The following INTS6 variants were observed in gnomAD, a reference collection of about 807,000 sequenced individuals.
INTS6 encodes the protein DEAD box protein.
INTS6 carries 16 observed loss-of-function variants against 104.9 expected under a neutral mutation model. The ratio of observed to expected loss-of-function variants is 0.15; its 90% CI spans 0.10 to 0.23. The LOEUF (loss-of-function observed/expected upper bound fraction) is 0.23. Among genes scored for constraint, INTS6 ranks in the 10% least tolerant of loss-of-function variants. The pLI is 1.00. For missense variants in INTS6, 584 were observed against 1,062.8 expected (o/e 0.55, Z 6.26); for synonymous variants, 324 against 358.7 (o/e 0.90, Z 1.09).
intron 17 of INTS6, among the ~76,000 whole-genome samples, chr13:51,366,316 A>G (rs1955687568): frequency 6.6e-6 from 1 of 152,004 alleles, no homozygotes; most frequent in Admixed American, 6.6e-5. Context: ...GGTCAGCAGC[A>G]TTTAAAAACC....
At chr13:51,390,557 T>TA (rs1246060852) in intron 5 of INTS6, among the ~76,000 whole-genome samples, 1 of 152,022 alleles carries the variant, frequency 6.6e-6, no homozygotes, top group Non-Finnish European at 1.5e-5. Flanking sequence ...TTATTTGTAA[T>TA]AAGCTCAATA....
At position 51,362,783 on chromosome 13, in the gene INTS6, A is replaced by G. The variant is rs1223801780; in HGVS notation, c.*2969T>C. 6.6e-6 allele frequency: 1 copy of G among 152,462 alleles called. No homozygotes were observed. Among genetic ancestry groups the G allele is most frequent in the Non-Finnish European group, 1.5e-5 (1 of 67,922 alleles). The allele number at this position is 152,462 out of a possible 1,614,324, so 9.4% of individuals were successfully genotyped here. A position where few individuals can be genotyped will look rare whatever the true frequency, so the allele number is the denominator to read the frequency against. On this transcript the variant is annotated 3_prime_UTR_variant, in exon 18 of 18. Coordinates refer to ENST00000311234, the MANE Select transcript of INTS6 (RefSeq NM_012141.3). ...AATACTGTCAACATCATTTTATCTG[A>G]GAATCATTTGCATCCTGCTGTACCT...
chr13:51,346,466 GAATA>G, the INTS6 span, among the ~76,000 whole-genome samples: 2 of 152,158 alleles, frequency 1.3e-5, no homozygotes, highest in South Asian at 4.1e-4. Flanking sequence ...GTTCAGAAAA[GAATA>G]AAAAGCAGGG....
chr13:51,397,409 G>A (rs1566223762), intron 4 of INTS6, among the ~76,000 whole-genome samples: 1 of 152,184 alleles, frequency 6.6e-6, no homozygotes. Flanking sequence ...GAAGTCATGA[G>A]TTCTTTCTCT....
At chr13:51,342,627 C>T in the INTS6 span, among the ~76,000 whole-genome samples, 1 of 152,118 alleles carries the variant, frequency 6.6e-6, no homozygotes, top group African/African-American at 2.4e-5. Flanking sequence ...ACTTACTCTA[C>T]TATTTTAATG....
downstream of INTS6, among the ~76,000 whole-genome samples, chr13:51,359,738 G>T (rs529095233): frequency 6.6e-6 from 1 of 151,940 alleles, no homozygotes; most frequent in Non-Finnish European, 1.5e-5. Flanking sequence ...ATGAAGTCTC[G>T]GAGATTAGTA....
chr13:51,341,645 G>A, the INTS6 span, among the ~76,000 whole-genome samples: 5 of 152,174 alleles, frequency 3.3e-5, no homozygotes, highest in Admixed American at 2.0e-4. Context: ...AACCTAATAG[G>A]TTTCATGGCA....
chr13:51,451,816 C>T (rs1730630672), intron 2 of INTS6, among the ~76,000 whole-genome samples, 162 bp downstream of exon 2: 1 of 116,962 alleles, frequency 8.5e-6, no homozygotes. Context: ...CGCTGCCGAG[C>T]GGGGGAGGGG....
At chr13:51,351,617 CA>C (rs1435148012), downstream of INTS6, among the ~76,000 whole-genome samples, 1 of 152,050 alleles carries the variant, frequency 6.6e-6, no homozygotes, top group Non-Finnish European at 1.5e-5. Context: ...CTTTGAAGCA[CA>C]AAAGTTGTTA....
chr13:51,341,413 A>C, the INTS6 span: 48 of 1,426,368 alleles, frequency 3.4e-5, no homozygotes, highest in Non-Finnish European at 4.1e-5. Flanking sequence ...TCTCCAGCTC[A>C]CCCTCCTGCT....
At chr13:51,354,988 T>C in intron 3 of INTS6, 3 of 874,762 alleles carry the variant, frequency 3.4e-6, no homozygotes, top group South Asian at 3.0e-5. Context: ...GTGGTGTGTA[T>C]GAAAGTATAT....
At chr13:51,440,542 C>T (rs1016115473) in intron 3 of INTS6, 3 of 152,152 alleles carry the variant, frequency 2.0e-5, no homozygotes, top group Non-Finnish European at 4.4e-5. Context: ...ACTCACCCAC[C>T]CAGAGCAACT....
chr13:51,350,913 G>A (rs1305979090), downstream of INTS6, among the ~76,000 whole-genome samples: 1 of 152,052 alleles, frequency 6.6e-6, no homozygotes, highest in African/African-American at 2.4e-5. Flanking sequence ...ACAATATGTG[G>A]CCTTTTGTGT....
intron 3 of INTS6, among the ~76,000 whole-genome samples, chr13:51,432,698 T>C (rs1328126291): frequency 6.6e-6 from 1 of 152,182 alleles, no homozygotes; most frequent in East Asian, 1.9e-4. Context: ...TTTACCTCAA[T>C]ATAAATGTGT....
chr13:51,375,038 C>T (rs2137887507), intron 13 of INTS6, among the ~76,000 whole-genome samples: 1 of 152,082 alleles, frequency 6.6e-6, no homozygotes, highest in East Asian at 1.9e-4. Context: ...CATACATTGC[C>T]ATTAATTCCA....
At chr13:51,344,438 A>G in the INTS6 span, 1 of 1,606,412 alleles carries the variant, frequency 6.2e-7, no homozygotes, top group Admixed American at 1.7e-5. Flanking sequence ...AGTGAGCCCA[A>G]TAGCACCGCC....
chr13:51,346,928 G>A, the INTS6 span: 663 of 839,194 alleles, frequency 7.9e-4, 2 homozygotes, highest in Non-Finnish European at 9.3e-4. Flanking sequence ...CTGCATTTTC[G>A]CATTTTAACT....
At chr13:51,348,345 C>G in the INTS6 span, 1 of 1,613,960 alleles carries the variant, frequency 6.2e-7, no homozygotes, top group Non-Finnish European at 8.5e-7. Context: ...CCACACCTCA[C>G]AGCCAGCACC....
intron 3 of INTS6, among the ~76,000 whole-genome samples, chr13:51,435,811 C>T (rs1447100815): frequency 3.3e-5 from 5 of 151,888 alleles, no homozygotes; most frequent in Non-Finnish European, 5.9e-5. Flanking sequence ...AATTCATTGT[C>T]ATTAATACTG....
Sources: gnomAD v4.1 joint callset for allele counts (sites outside exome capture counted in the v4.1 genomes callset) on GRCh38, gnomAD v4.1.1 for gene constraint, MANE v1.5 for transcripts, NCBI Gene and HGNC (gene_info 2026-07-23, HGNC 2026-07-21) for gene names.